Variants in NCOR2 observed in about 807,000 individuals in gnomAD.
NCOR2 encodes the protein CTG repeat protein 26.
NCOR2 carries 81 observed loss-of-function variants against 262.9 expected under a neutral mutation model. The ratio of observed to expected loss-of-function variants is 0.31; its 90% CI spans 0.26 to 0.37. NCOR2 has a LOEUF of 0.37. Ranked by LOEUF, NCOR2 falls within the 10% of genes least tolerant of loss-of-function variation. NCOR2 has a pLI of 1.00. For missense variants in NCOR2, 3,385 were observed against 3,621.4 expected (o/e 0.93, Z 1.68); for synonymous variants, 1,659 against 1,559.3 (o/e 1.06, Z -1.51).
At chr12:124,369,494 T>TC (rs2039313897) in intron 20 of NCOR2, among the ~76,000 whole-genome samples, 1 of 151,580 alleles carries the variant, frequency 6.6e-6, no homozygotes, top group Admixed American at 6.6e-5. Context: ...CACCAGCCCT[T>TC]CCCGGGAGGC....
At chr12:124,449,062 G>A (rs894916749) in intron 7 of NCOR2, among the ~76,000 whole-genome samples, 4 of 152,140 alleles carry the variant, frequency 2.6e-5, no homozygotes, top group Admixed American at 6.5e-5. Context: ...ACTAACATGA[G>A]ATAACATGCC....
intron 11 of NCOR2, among the ~76,000 whole-genome samples, chr12:124,423,110 G>A (rs565589897): frequency 4.1e-4 from 63 of 152,352 alleles, no homozygotes; most frequent in African/African-American, 1.5e-3. Flanking sequence ...GTCGGAGGGC[G>A]GTGGCGGGTC....
chr12:124,486,538 A>T, exon 2 of NCOR2: 1 of 1,592,610 alleles, frequency 6.3e-7, no homozygotes, highest in Non-Finnish European at 8.5e-7. Flanking sequence ...TAGTCGCGGG[A>T]GTGGTGCTGG....
intron 8 of NCOR2, among the ~76,000 whole-genome samples, chr12:124,433,871 C>CACACACACACACACACACACACAA (rs2044150059): frequency 3.5e-5 from 1 of 28,182 alleles, no homozygotes; most frequent in Admixed American, 4.1e-4. Context: ...CACACACACA[C>CACACACACACACACACACACACAA]ACACACACAC....
intron 1 of NCOR2, among the ~76,000 whole-genome samples, chr12:124,507,490 G>A (rs1481713663): frequency 6.6e-6 from 1 of 152,194 alleles, no homozygotes; most frequent in Non-Finnish European, 1.5e-5. Context: ...CAGTGGCCCC[G>A]GCACTCAGCA....
intron 13 of NCOR2, among the ~76,000 whole-genome samples, chr12:124,407,325 C>A (rs995445362): frequency 2.0e-5 from 3 of 152,228 alleles, no homozygotes; most frequent in Non-Finnish European, 4.4e-5. Flanking sequence ...GGCAGCAAGG[C>A]GTGCTGACAT....
chr12:124,421,739 A>G (rs905161894), intron 12 of NCOR2, among the ~76,000 whole-genome samples: 3 of 152,210 alleles, frequency 2.0e-5, no homozygotes, highest in African/African-American at 7.2e-5. Context: ...CTCTGACCCC[A>G]AGATGCTGGG....
At chr12:124,451,115 T>C (rs954912273) in intron 6 of NCOR2, among the ~76,000 whole-genome samples, 1 of 152,270 alleles carries the variant, frequency 6.6e-6, no homozygotes, top group African/African-American at 2.4e-5. Flanking sequence ...CGAGTTCGCA[T>C]TTCTGCTGTT....
intron 12 of NCOR2, among the ~76,000 whole-genome samples, chr12:124,421,452 C>T (rs1343400448): frequency 2.6e-5 from 4 of 152,232 alleles, no homozygotes; most frequent in Non-Finnish European, 4.4e-5. Context: ...AGAAGATGGG[C>T]TATTTATAGG....
chr12:124,434,662 A>T (rs1013045770), intron 8 of NCOR2, among the ~76,000 whole-genome samples: 1 of 152,132 alleles, frequency 6.6e-6, no homozygotes. Flanking sequence ...CAAGGGGGGA[A>T]CCATGGGGGG....
chr12:124,539,844 C>A (rs189082270), upstream of NCOR2, among the ~76,000 whole-genome samples: 1 of 152,142 alleles, frequency 6.6e-6, no homozygotes, highest in Non-Finnish European at 1.5e-5. The surrounding 1 kb of genome is among the most constrained non-coding windows in gnomAD (Gnocchi z 5.1). Context: ...CCAGGAAGCC[C>A]GCCTGGCTCA....
chr12:124,520,446 C>A (rs1291889609), intron 1 of NCOR2, among the ~76,000 whole-genome samples: 1 of 152,146 alleles, frequency 6.6e-6, no homozygotes, highest in Non-Finnish European at 1.5e-5. Context: ...TGGACACAGA[C>A]CTGCATCCAG....
chr12:124,465,886 G>C (rs536679266), intron 5 of NCOR2, among the ~76,000 whole-genome samples: 3 of 152,306 alleles, frequency 2.0e-5, no homozygotes, highest in South Asian at 4.1e-4. Flanking sequence ...GCTGGACCCT[G>C]GTGCTCTCCT....
chr12:124,348,198 C>G (rs747469159), exon 29 of NCOR2: 7 of 1,612,032 alleles, frequency 4.3e-6, no homozygotes, highest in Non-Finnish European at 5.9e-6. Flanking sequence ...GAGGAGATGG[C>G]TCTGCCCACG....
chr12:124,371,250 C>T (rs1054239564), intron 20 of NCOR2, among the ~76,000 whole-genome samples: 3 of 151,302 alleles, frequency 2.0e-5, no homozygotes, highest in Non-Finnish European at 2.9e-5. Flanking sequence ...CCTGAGCCAC[C>T]CTTTGGCACC....
intron 4 of NCOR2, among the ~76,000 whole-genome samples, chr12:124,470,971 A>G (rs4765149): frequency 0.78 from 119,017 of 152,236 alleles, 47,011 homozygotes; most frequent in Non-Finnish European, 0.83. Flanking sequence ...CAGGCCTGGA[A>G]GCCTAACGGT....
intron 7 of NCOR2, among the ~76,000 whole-genome samples, chr12:124,438,744 CAGAG>C (rs141961803): frequency 9.1e-5 from 9 of 99,444 alleles, no homozygotes; most frequent in South Asian, 3.2e-4. Flanking sequence ...AACAGAGAAC[CAGAG>C]AGAGAGAGAG....
intron 22 of NCOR2, among the ~76,000 whole-genome samples, chr12:124,357,910 T>TGC (rs2135934441): frequency 6.7e-6 from 1 of 149,182 alleles, no homozygotes; most frequent in Non-Finnish European, 1.5e-5. Context: ...GATATGTGTG[T>TGC]GTGCGTGCGC....
intron 22 of NCOR2, among the ~76,000 whole-genome samples, chr12:124,359,346 G>A (rs930382936): frequency 2.0e-5 from 3 of 152,224 alleles, no homozygotes; most frequent in African/African-American, 4.8e-5. Context: ...CCATCAGGGT[G>A]TGACAGCGGA....
Sources: allele counts gnomAD v4.1 joint callset (sites outside exome capture counted in the v4.1 genomes callset), GRCh38; gene constraint gnomAD v4.1.1; non-coding constraint Gnocchi (gnomAD v3.1); transcripts MANE v1.5; gene names NCBI Gene and HGNC (gene_info 2026-07-23, HGNC 2026-07-21).